Variants in DNAJC5 observed in about 807,000 individuals in gnomAD.
DNAJC5 encodes the protein dnaJ homolog subfamily C member 5.
A neutral mutation model predicts 23.2 loss-of-function variants in DNAJC5; 1 was observed. That is an observed-to-expected ratio of 0.04 (90% CI 0.02 to 0.20). The LOEUF (loss-of-function observed/expected upper bound fraction) is 0.20. Ranked by LOEUF, DNAJC5 falls within the 10% of genes least tolerant of loss-of-function variation. DNAJC5 has a pLI of 1.00. For synonymous variants in DNAJC5, 136 were observed against 120.0 expected (o/e 1.13, Z -0.87); for missense variants, 180 against 267.0 (o/e 0.67, Z 2.27).
chr20:63,911,840 G>A (rs942044632), intron 1 of DNAJC5, among the ~76,000 whole-genome samples: 2 of 151,704 alleles, frequency 1.3e-5, no homozygotes, highest in African/African-American at 2.4e-5. Context: ...CGCCTGGCGA[G>A]TTTTTGTATT....
At chr20:63,918,259 A>G (rs2053530349) in intron 1 of DNAJC5, among the ~76,000 whole-genome samples, 1 of 152,196 alleles carries the variant, frequency 6.6e-6, no homozygotes, top group African/African-American at 2.4e-5. Context: ...CTGTGTGCCT[A>G]TAGTCCCAGC....
Position 63,931,702 on chromosome 20 carries a change from A to G in DNAJC5, c.*134A>G. On this transcript the variant is annotated 3_prime_UTR_variant, in exon 5 of 5. Coordinates refer to ENST00000360864, the MANE Select transcript of DNAJC5 (RefSeq NM_025219.3). The surrounding 1 kb of genome is among the most constrained non-coding windows in gnomAD (Gnocchi z 9.6). The stretch of plus-strand genomic sequence containing the variant: ...CCTTGCTGGGGCCCCTCCTGCCTCC[A>G]CGCCCACCCAGCGTCGACCCTTGAC... 2.3e-6 allele frequency: 2 copies of G among 865,300 alleles called. No individual in the cohort carries two copies. The highest frequency in any genetic ancestry group is 3.7e-6 in the Non-Finnish European group (2 of 535,576). 53.6% of individuals were successfully genotyped at this position (865,300 alleles called of 1,614,324 possible).
chr20:63,901,791 TAAG>T (rs1164825412), intron 1 of DNAJC5, among the ~76,000 whole-genome samples: 1 of 152,222 alleles, frequency 6.6e-6, no homozygotes, highest in Non-Finnish European at 1.5e-5. Context: ...TGTTTTATTG[TAAG>T]AAGGTTTCCC....
At chr20:63,899,618 C>T (rs1183176843) in intron 1 of DNAJC5, among the ~76,000 whole-genome samples, 1 of 152,158 alleles carries the variant, frequency 6.6e-6, no homozygotes. Context: ...GTCTCATTCT[C>T]TCACCCAGGC....
intron 1 of DNAJC5, among the ~76,000 whole-genome samples, chr20:63,901,172 C>G (rs1373453217): frequency 4.6e-5 from 7 of 152,200 alleles, no homozygotes; most frequent in Admixed American, 2.0e-4. Flanking sequence ...ACCATGTTGT[C>G]CAGGCTGGTC....
chr20:63,912,428 G>GT (rs1016088663), intron 1 of DNAJC5, among the ~76,000 whole-genome samples: 19 of 151,760 alleles, frequency 1.3e-4, no homozygotes, highest in African/African-American at 3.6e-4. Context: ...AGTTAATTGG[G>GT]TTTTTTTTGG....
In DNAJC5 at chr20:63,928,475, C is replaced by T; in HGVS notation, c.107+23C>T. On this transcript the variant is annotated intron_variant, in intron 2 of 4. Transcript: ENST00000360864. This position sits in a 1 kb window ranked among gnomAD's most constrained non-coding sequence, Gnocchi z 4.6. ...TCGGTAAGTGGACAAGTGTGGCCCCCACATCCCCCCAGGAAGACACACATG... is the reference window on the plus strand; with the variant it reads ...TCGGTAAGTGGACAAGTGTGGCCCCTACATCCCCCCAGGAAGACACACATG... 6.3e-7 allele frequency: 1 copy of T among 1,590,226 alleles called. No individual in the cohort carries two copies. The highest frequency in any genetic ancestry group is 8.6e-7 in the Non-Finnish European group (1 of 1,158,490).
rs996642468 is a variant in DNAJC5, at chr20:63,933,664, T to C, written c.*2096T>C. 2 of 152,404 alleles carry C rather than the reference T, an allele frequency of 1.3e-5. No homozygotes were observed. Among genetic ancestry groups the C allele is most frequent in the South Asian group, 2.1e-4 (1 of 4,838 alleles). The allele number at this position is 152,404 out of a possible 1,614,324, so 9.4% of individuals were successfully genotyped here. ...AGCAAGTTCAGCCTGAGATGCTGGC[T>C]GTACTCAGCCTTTGCAATTTTTGTA... On this transcript the variant is annotated 3_prime_UTR_variant, in exon 5 of 5. Coordinates refer to ENST00000360864, the MANE Select transcript of DNAJC5 (RefSeq NM_025219.3).
chr20:63,914,004 G>A (rs1282335040), intron 1 of DNAJC5, among the ~76,000 whole-genome samples: 3 of 152,148 alleles, frequency 2.0e-5, no homozygotes, highest in Non-Finnish European at 4.4e-5. Flanking sequence ...GTCTCTTGAG[G>A]CCACCTGCCC....
At chr20:63,901,020 A>G (rs1220759391) in intron 1 of DNAJC5, among the ~76,000 whole-genome samples, 4 of 152,200 alleles carry the variant, frequency 2.6e-5, no homozygotes, top group Non-Finnish European at 4.4e-5. Flanking sequence ...GCTGGAGTGC[A>G]GTGGCACGAT....
At chr20:63,910,892 A>G (rs1403463965) in intron 1 of DNAJC5, among the ~76,000 whole-genome samples, 1 of 151,980 alleles carries the variant, frequency 6.6e-6, no homozygotes, top group African/African-American at 2.4e-5. Context: ...AGGCTGGTCT[A>G]TCTCCTGACC....
Position 63,928,291 on chromosome 20 carries a change from TTCATC to T in DNAJC5, c.-11-42_-11-38del. 1 of 1,517,674 alleles carries T rather than the reference TTCATC, an allele frequency of 6.6e-7. No individual in the cohort carries two copies. The highest frequency in any genetic ancestry group is 9.1e-7 in the Non-Finnish European group (1 of 1,097,686). The allele number at this position is 1,517,674 out of a possible 1,614,324, so 94.0% of individuals were successfully genotyped here. A position where few individuals can be genotyped will look rare whatever the true frequency, so the allele number is the denominator to read the frequency against. ...GTCCATCAGCTCTGCCCTTGGTACT[TTCATC>T]TATACTTTGTGATACTTTCTTTTTA... is the stretch of plus-strand genomic sequence containing the variant. On this transcript the variant is annotated intron_variant, in intron 1 of 4. Transcript: ENST00000360864. The surrounding 1 kb of genome is among the most constrained non-coding windows in gnomAD (Gnocchi z 4.6).
At chr20:63,912,632 G>T (rs957772593) in intron 1 of DNAJC5, among the ~76,000 whole-genome samples, 1 of 152,094 alleles carries the variant, frequency 6.6e-6, no homozygotes, top group Non-Finnish European at 1.5e-5. Flanking sequence ...ACGGAGTCTC[G>T]CTCTGTCGCC....
At chr20:63,915,057 C>T (rs534849950) in intron 1 of DNAJC5, among the ~76,000 whole-genome samples, 1 of 152,218 alleles carries the variant, frequency 6.6e-6, no homozygotes, top group East Asian at 1.9e-4. Flanking sequence ...GCCAGAGGCA[C>T]CTGTGGGTCC....
intron 1 of DNAJC5, among the ~76,000 whole-genome samples, chr20:63,917,452 T>C (rs2053522444): frequency 6.6e-6 from 1 of 152,160 alleles, no homozygotes; most frequent in Non-Finnish European, 1.5e-5. Context: ...GGGGTTTCGC[T>C]GTGTTGTCCA....
In DNAJC5 at chr20:63,926,568, C is replaced by T. The variant is rs113317610; in HGVS notation, c.-11-1767C>T. ...AGATTTGTTATGAGGAATTGGCCCA[C>T]GTCATTATGGAGACGGAATCTCATG... On this transcript the variant is annotated intron_variant, in intron 1 of 4. Coordinates refer to ENST00000360864, the MANE Select transcript of DNAJC5 (RefSeq NM_025219.3). Among the ~76,000 whole-genome samples the T allele has an allele frequency of 1.6e-3, 250 of 152,298 alleles. 1 individual carries two copies. Among genetic ancestry groups the T allele is most frequent in the African/African-American group, 5.6e-3 (232 of 41,562 alleles).
chr20:63,902,472 G>T (rs1211601219), intron 1 of DNAJC5, among the ~76,000 whole-genome samples: 1 of 142,150 alleles, frequency 7.0e-6, no homozygotes, highest in African/African-American at 2.7e-5. Flanking sequence ...GGGTTCAAGT[G>T]ATTCTCCAGC....
chr20:63,922,134 A>G (rs1225115425), intron 1 of DNAJC5, among the ~76,000 whole-genome samples: 1 of 151,992 alleles, frequency 6.6e-6, no homozygotes, highest in Non-Finnish European at 1.5e-5. Context: ...GCTACTTCAA[A>G]CATCAGGTGG....
chr20:63,901,923 T>G (rs547338601), intron 1 of DNAJC5, among the ~76,000 whole-genome samples: 1 of 152,286 alleles, frequency 6.6e-6, no homozygotes, highest in East Asian at 1.9e-4. Flanking sequence ...TGCGGGGCCT[T>G]TTACCACAGC....
Sources: gnomAD v4.1 joint callset for allele counts (sites outside exome capture counted in the v4.1 genomes callset) on GRCh38, gnomAD v4.1.1 for gene constraint, Gnocchi (gnomAD v3.1) non-coding constraint, MANE v1.5 for transcripts, NCBI Gene and HGNC (gene_info 2026-07-23, HGNC 2026-07-21) for gene names.